The following ATR variants were observed in gnomAD, a reference collection of about 807,000 sequenced individuals.
The protein encoded by ATR is ATR checkpoint kinase, also known as serine/threonine-protein kinase ATR.
In ATR, 142 loss-of-function variants were observed where a neutral mutation model predicts 305.3. The ratio of observed to expected loss-of-function variants is 0.47; its 90% confidence interval spans 0.41 to 0.53. ATR has a LOEUF of 0.53. Ranked by LOEUF, ATR falls within the 20% of genes least tolerant of loss-of-function variation. The probability of loss-of-function intolerance (pLI) is 0.00; values close to 1 mark genes in which losing one functional copy is unlikely to be tolerated. For missense variants in ATR, 2,135 were observed against 3,133.1 expected (o/e 0.68, Z 7.60); for synonymous variants, 1,050 against 1,068.1 (o/e 0.98, Z 0.33).
At chr3:142,496,247 T>G in intron 34 of ATR, 114 bp downstream of exon 34, 1 of 241,764 alleles carries the variant, frequency 4.1e-6, no homozygotes, top group Non-Finnish European at 7.0e-6. Context: ...GTTCTCTCAG[T>G]TGGCCTTTTA....
intron 34 of ATR, among the ~76,000 whole-genome samples, chr3:142,494,885 G>A (rs2031494851): frequency 6.6e-6 from 1 of 152,170 alleles, no homozygotes; most frequent in Admixed American, 6.5e-5. Context: ...ACAGGGAAAT[G>A]GTGAGATCCT....
intron 24 of ATR, among the ~76,000 whole-genome samples, chr3:142,517,484 A>G (rs374389488): frequency 6.6e-6 from 1 of 152,266 alleles, no homozygotes; most frequent in African/African-American, 2.4e-5. Context: ...AAATTGAGCT[A>G]CAGGCTAACC....
At chr3:142,556,349 A>C in intron 9 of ATR, 34 bp downstream of exon 9, 1 of 1,581,346 alleles carries the variant, frequency 6.3e-7, no homozygotes, top group African/African-American at 1.3e-5. Flanking sequence ...TTTCCAATAG[A>C]GTGATATATT....
intron 36 of ATR, among the ~76,000 whole-genome samples, chr3:142,479,877 A>G (rs1026218444): frequency 3.3e-5 from 5 of 152,170 alleles, no homozygotes; most frequent in African/African-American, 1.2e-4. Context: ...AGTTGATCGA[A>G]TCGGCTACTG....
intron 40 of ATR, among the ~76,000 whole-genome samples, chr3:142,466,010 C>CAAAAAAAAAAAAAAAGAAAAAAAAAAAAA (rs2071120893): frequency 1.5e-5 from 1 of 68,730 alleles, no homozygotes; most frequent in African/African-American, 4.4e-5. Context: ...ACCCTGTTTC[C>CAAAAAAAAAAAAAAAGAAAAAAAAAAAAA]AAAAAAAAAA....
intron 35 of ATR, among the ~76,000 whole-genome samples, chr3:142,491,947 T>C (rs1330507845): frequency 1.3e-5 from 2 of 152,260 alleles, no homozygotes; most frequent in Non-Finnish European, 2.9e-5. Flanking sequence ...TGATTTATTT[T>C]TTTTCCTATC....
chr3:142,494,997 T>C (rs775424123), intron 34 of ATR, among the ~76,000 whole-genome samples: 6 of 152,116 alleles, frequency 3.9e-5, no homozygotes, highest in Non-Finnish European at 7.4e-5. Context: ...ATTTCTAAGG[T>C]TGAAGAACAA....
At chr3:142,513,825 G>A (rs1175439776) in intron 25 of ATR, among the ~76,000 whole-genome samples, 187 bp from the exon 26 acceptor site, 1 of 151,692 alleles carries the variant, frequency 6.6e-6, no homozygotes, top group Non-Finnish European at 1.5e-5. Context: ...CTTTTGATTT[G>A]CTAACACTGT....
chr3:142,527,464 G>C (rs2033443483), intron 21 of ATR, among the ~76,000 whole-genome samples: 1 of 152,082 alleles, frequency 6.6e-6, no homozygotes, highest in Non-Finnish European at 1.5e-5. Context: ...TCCAGGAAAA[G>C]TATACATGTT....
rs1429492462 is a variant in ATR at position 142,556,032 on chromosome 3, G to A, written c.2186C>T (p.Thr729Ile). Reference protein sequence around the residue: ...HGMFYLTSSLTEPFSEHGHVD... With the variant: ...HGMFYLTSSLIEPFSEHGHVD... ...ATGTCCGTGTTCAGAGAAAGGTTCT[G>A]TTAAAGAACTTGTCAGATAAAACAT... The change falls in exon 10 of 47, where the codon ACA (threonine) becomes ATA (isoleucine). Residue 729 changes from threonine (T) to isoleucine (I), a missense_variant. Physicochemically the swap from Thr to Ile is moderately conservative, Grantham distance 89 (BLOSUM62 -1). Transcript: ENST00000350721. The A allele has an allele frequency of 6.2e-7, 1 of 1,614,048 alleles. No individual in the cohort carries two copies.
At chr3:142,536,075 G>A (rs370286489) in intron 20 of ATR, 33 bp downstream of exon 20, 11 of 1,392,698 alleles carry the variant, frequency 7.9e-6, no homozygotes, top group Non-Finnish European at 1.0e-5. Context: ...CTGTATTAAT[G>A]ATCTCCTAAA....
Position 142,542,741 on chromosome 3 carries a change from G to A in ATR, c.3374C>T (p.Pro1125Leu). The A allele has an allele frequency of 6.2e-7, 1 of 1,612,286 alleles. No individual in the cohort carries two copies. Among genetic ancestry groups the A allele is most frequent in the Non-Finnish European group, 8.5e-7 (1 of 1,178,898 alleles). Residue 1125 changes from proline to leucine, a missense_variant, in exon 17 of 47, where the codon CCC becomes CTC. Physicochemically the swap from Pro to Leu is moderately conservative, Grantham distance 98. Transcript: ENST00000350721. ...AAAAGCCAAAATGCCCAACAATTTG[G>A]GTTGTAAATAATCAGCCTAAGAAAT... Reference protein sequence around the residue: ...SPELMADYLQPKLLGILAFFN... With the variant: ...SPELMADYLQLKLLGILAFFN...
Position 142,535,192 on chromosome 3 carries a change from C to T in ATR, c.3833G>A (p.Ser1278Asn), listed in dbSNP as rs762819328. The T allele has an allele frequency of 7.4e-6, 12 of 1,613,080 alleles. No homozygotes were observed. Among genetic ancestry groups the T allele is most frequent in the South Asian group, 2.2e-5 (2 of 91,056 alleles). ...LQEYRKETSE[S>N]TDLQTTLQLS... ...CTGAAGAGTTGTCTGAAGATCAGTG[C>T]TCTCAGAGGTCTCCTATATACAAAG... Residue 1278 changes from serine to asparagine, a missense_variant, in exon 21 of 47, where the codon AGC (serine) becomes AAC (asparagine). Ser to Asn is a conservative substitution (Grantham distance 46, BLOSUM62 1). Around this residue, in one of 9 missense-constraint regions of ATR, gnomAD observed 530 missense variants for 766.8 expected, o/e 0.69. Transcript: ENST00000350721.
chr3:142,498,885 CTTTTT>C, intron 31 of ATR, 111 bp from the exon 32 acceptor site: 1 of 841,120 alleles, frequency 1.2e-6, no homozygotes, highest in Non-Finnish European at 1.8e-6. Flanking sequence ...GGCTTCATTC[CTTTTT>C]TTTTTTTTGA....
intron 16 of ATR, 100 bp from the exon 17 acceptor site, chr3:142,542,857 C>CTAG: frequency 1.0e-6 from 1 of 976,984 alleles, no homozygotes; most frequent in Admixed American, 2.2e-5. Context: ...TTTTACCTAA[C>CTAG]TAGATTAGCA....
chr3:142,485,072 A>G (rs2030824182), intron 36 of ATR, 68 bp downstream of exon 36: 6 of 1,585,700 alleles, frequency 3.8e-6, no homozygotes, highest in African/African-American at 1.3e-5. Context: ...AAGACATGTG[A>G]TAACAGTTTC....
Position 142,449,258 on chromosome 3 carries a change from CT to C in ATR, c.*170del, listed in dbSNP as rs2070716850. The stretch of plus-strand genomic sequence containing the variant: ...TATGTATTAAGAAAGCAGTTTATTT[CT>C]TAATAACTGAATGTATATTATTTTA... On this transcript the variant is annotated 3_prime_UTR_variant, in exon 47 of 47. Transcript: ENST00000350721. The C allele has an allele frequency of 1.6e-6, 1 of 623,450 alleles. No homozygotes were observed. The highest frequency in any genetic ancestry group is 2.7e-6 in the Non-Finnish European group (1 of 365,320). 38.6% of individuals were successfully genotyped at this position (623,450 alleles called of 1,614,324 possible).
intron 36 of ATR, 139 bp downstream of exon 36, chr3:142,485,001 A>T: frequency 7.9e-7 from 1 of 1,269,574 alleles, no homozygotes; most frequent in Non-Finnish European, 1.1e-6. Context: ...GGAAAAATTT[A>T]CATCTTATCT....
chr3:142,527,439 T>C (rs1490931630), intron 21 of ATR, among the ~76,000 whole-genome samples: 2 of 152,190 alleles, frequency 1.3e-5, no homozygotes, highest in Non-Finnish European at 2.9e-5. Context: ...GAGTTCATTT[T>C]GATACACTAT....
Sources: allele counts gnomAD v4.1 joint callset (sites outside exome capture counted in the v4.1 genomes callset), GRCh38; gene constraint gnomAD v4.1.1; regional missense constraint gnomAD v4.1.1; transcripts MANE v1.5; gene names NCBI Gene and HGNC (gene_info 2026-07-23, HGNC 2026-07-21).